TMEM117: variants seen among roughly 807,000 people sequenced by gnomAD.
TMEM117 encodes the protein transmembrane protein 117.
A neutral mutation model predicts 52.4 loss-of-function variants in TMEM117; 27 were observed. That is an observed-to-expected ratio of 0.51 (90% CI 0.38 to 0.71). The LOEUF (loss-of-function observed/expected upper bound fraction) is 0.71. Among genes scored for constraint, TMEM117 ranks in the 30% least tolerant of loss-of-function variants. The pLI, the probability that TMEM117 is intolerant of heterozygous loss-of-function variation, is 0.00. For missense variants in TMEM117, 556 were observed against 630.5 expected (o/e 0.88, Z 1.26); for synonymous variants, 215 against 206.3 (o/e 1.04, Z -0.36).
In TMEM117 at chr12:44,000,627, C is replaced by T. The variant is rs149982868; in HGVS notation, c.410+56285C>T. On this transcript the variant is annotated intron_variant, in intron 3 of 7. Coordinates refer to ENST00000266534, the MANE Select transcript of TMEM117 (RefSeq NM_032256.3). ...TTACTCAGCACACTGTCAACTGTACCTCCGGGACACTGGATGGATCTAGCC... is the reference window on the plus strand; with the variant it reads ...TTACTCAGCACACTGTCAACTGTACTTCCGGGACACTGGATGGATCTAGCC... Among the ~76,000 whole-genome samples the T allele has an allele frequency of 3.0e-3, 450 of 152,272 alleles. 4 individuals are homozygous for T. Among genetic ancestry groups the T allele is most frequent in the African/African-American group, 9.9e-3 (410 of 41,542 alleles).
intron 3 of TMEM117, among the ~76,000 whole-genome samples, chr12:44,019,350 GTT>G (rs1329990452): frequency 6.6e-6 from 1 of 152,010 alleles, no homozygotes; most frequent in Non-Finnish European, 1.5e-5. Flanking sequence ...ACCCATTGTA[GTT>G]TCACAGAAAC....
At chr12:44,147,251 G>A (rs1005649320) in intron 4 of TMEM117, among the ~76,000 whole-genome samples, 1 of 152,168 alleles carries the variant, frequency 6.6e-6, no homozygotes, top group African/African-American at 2.4e-5. Context: ...AACATGGGGT[G>A]TCTCACGAGA....
At chr12:44,170,848 A>C (rs111908620) in intron 4 of TMEM117, among the ~76,000 whole-genome samples, 1 of 152,170 alleles carries the variant, frequency 6.6e-6, no homozygotes, top group South Asian at 2.1e-4. Context: ...CTTAATATTA[A>C]TGCTTTACAT....
chr12:44,278,236 T>G (rs949518089), intron 5 of TMEM117, among the ~76,000 whole-genome samples: 2 of 152,192 alleles, frequency 1.3e-5, no homozygotes, highest in African/African-American at 4.8e-5. Context: ...TCATAGGTTC[T>G]ACTCAGGATT....
Position 43,952,193 on chromosome 12 carries a change from CA to C in TMEM117, c.410+7856del, listed in dbSNP as rs141776595. On this transcript the variant is annotated intron_variant, in intron 3 of 7. Coordinates refer to ENST00000266534, the MANE Select transcript of TMEM117 (RefSeq NM_032256.3). ...CCACAAAAATGAGGAAAAACCAATG[CA>C]AAAATGCTGAAAATCCCGGAAGCCG... 7.0e-3 allele frequency among the ~76,000 whole-genome samples: 1,061 copies of C among 152,200 alleles called. 11 individuals are homozygous for C. Among genetic ancestry groups the C allele is most frequent in the African/African-American group, 0.023 (957 of 41,518 alleles).
At chr12:44,016,084 C>G (rs1459198539) in intron 3 of TMEM117, among the ~76,000 whole-genome samples, 1 of 152,114 alleles carries the variant, frequency 6.6e-6, no homozygotes, top group Non-Finnish European at 1.5e-5. Flanking sequence ...TAGCACTACC[C>G]CCTCCTCCCA....
At chr12:43,824,878 A>G in the TMEM117 span, among the ~76,000 whole-genome samples, 1 of 152,196 alleles carries the variant, frequency 6.6e-6, no homozygotes, top group African/African-American at 2.4e-5. Context: ...GTAAGCCAAG[A>G]TTGTGCCACT....
rs1158788802 is a variant in TMEM117, at chr12:43,886,349, T to TCAA, written c.277+41437_277+41439dup. ...ATAGGCATCAAGACAAGAGAGTATT[T>TCAA]CAACAACAACAACAACAAAATGGTC... On this transcript the variant is annotated intron_variant, in intron 2 of 7. Coordinates refer to ENST00000266534, the MANE Select transcript of TMEM117 (RefSeq NM_032256.3). 8.5e-5 allele frequency among the ~76,000 whole-genome samples: 13 copies of TCAA among 152,194 alleles called. 1 individual carries two copies. The highest frequency in any genetic ancestry group is 4.2e-4 in the South Asian group (2 of 4,812).
intron 3 of TMEM117, among the ~76,000 whole-genome samples, chr12:44,127,885 T>C (rs146848652): frequency 7.2e-5 from 11 of 152,272 alleles, no homozygotes; most frequent in Admixed American, 6.5e-4. Context: ...GAAATAAATC[T>C]CTATTTATGT....
At chr12:44,014,188 A>T (rs967024957) in intron 3 of TMEM117, among the ~76,000 whole-genome samples, 4 of 152,194 alleles carry the variant, frequency 2.6e-5, no homozygotes, top group African/African-American at 9.7e-5. Context: ...AGGCCATTGC[A>T]GGTAGACGGG....
chr12:43,873,109 C>G (rs1330777853), intron 2 of TMEM117, among the ~76,000 whole-genome samples: 2 of 152,094 alleles, frequency 1.3e-5, no homozygotes, highest in East Asian at 3.8e-4. Flanking sequence ...GAGGATTTTG[C>G]AAACTGATTA....
chr12:44,176,312 G>C (rs1949115658), intron 4 of TMEM117, among the ~76,000 whole-genome samples: 1 of 152,088 alleles, frequency 6.6e-6, no homozygotes, highest in Admixed American at 6.6e-5. Context: ...ATGGTGCTTG[G>C]CACATAGTAC....
chr12:43,907,595 T>C (rs12424013), intron 2 of TMEM117, among the ~76,000 whole-genome samples: 46,904 of 144,458 alleles, frequency 0.32, 9,719 homozygotes, highest in Non-Finnish European at 0.47. Context: ...TTGAAAACTT[T>C]GAAAAAAATT....
chr12:43,927,450 GT>G (rs1299357292), intron 2 of TMEM117, among the ~76,000 whole-genome samples: 15 of 145,314 alleles, frequency 1.0e-4, no homozygotes, highest in Admixed American at 2.1e-4. Context: ...TTTGTTTTTG[GT>G]TTTTTTTTTG....
At chr12:43,988,251 G>A (rs781492799) in intron 3 of TMEM117, among the ~76,000 whole-genome samples, 1 of 151,996 alleles carries the variant, frequency 6.6e-6, no homozygotes, top group Non-Finnish European at 1.5e-5. Context: ...AAAAATGTGT[G>A]TATGTATTAG....
intron 4 of TMEM117, among the ~76,000 whole-genome samples, chr12:44,165,198 A>G (rs1279840640): frequency 1.3e-5 from 2 of 152,142 alleles, no homozygotes; most frequent in Non-Finnish European, 2.9e-5. Flanking sequence ...ACAAAAGTTT[A>G]AAAACTCACT....
intron 3 of TMEM117, among the ~76,000 whole-genome samples, chr12:44,101,774 TCTGCACTTGTGTTC>T (rs1947865338): frequency 6.6e-6 from 1 of 152,052 alleles, no homozygotes; most frequent in Non-Finnish European, 1.5e-5. Flanking sequence ...AATGGCTGCC[TCTGCACTTGTGTTC>T]CTGAGCATGT....
chr12:44,035,710 TGAC>T (rs1946700250), intron 3 of TMEM117, among the ~76,000 whole-genome samples: 1 of 152,248 alleles, frequency 6.6e-6, no homozygotes, highest in South Asian at 2.1e-4. Context: ...GGATTTTAGA[TGAC>T]TTTTACCTGC....
intron 3 of TMEM117, among the ~76,000 whole-genome samples, chr12:44,141,100 T>G (rs1234645559): frequency 6.6e-6 from 1 of 152,148 alleles, no homozygotes; most frequent in South Asian, 2.1e-4. Context: ...ATTTTAATTT[T>G]TTGATTATTT....
Sources: gnomAD v4.1 joint callset for allele counts (sites outside exome capture counted in the v4.1 genomes callset) on GRCh38, gnomAD v4.1.1 for gene constraint, MANE v1.5 for transcripts, NCBI Gene and HGNC (gene_info 2026-07-23, HGNC 2026-07-21) for gene names.